POFUT3: variants seen among roughly 807,000 people sequenced by gnomAD.
POFUT3 encodes GDP-fucose protein O-fucosyltransferase 3.
chr8:33,345,758 G>A, the POFUT3 span, among the ~76,000 whole-genome samples: 13 of 152,014 alleles, frequency 8.6e-5, no homozygotes, highest in Admixed American at 5.2e-4. Flanking sequence ...CATGATGGCA[G>A]GAGGAACAAT....
At chr8:33,332,569 A>C in the POFUT3 span, among the ~76,000 whole-genome samples, 1 of 152,090 alleles carries the variant, frequency 6.6e-6, no homozygotes, top group Admixed American at 6.6e-5. Flanking sequence ...AAATGTAAGA[A>C]ATTTCACAGC....
chr8:33,423,534 T>C, the POFUT3 span, among the ~76,000 whole-genome samples: 1 of 152,126 alleles, frequency 6.6e-6, no homozygotes, highest in Non-Finnish European at 1.5e-5. Flanking sequence ...TCTCCCAAAG[T>C]GCTGGGATTA....
the POFUT3 span, among the ~76,000 whole-genome samples, chr8:33,443,982 T>TA: frequency 6.6e-6 from 1 of 151,602 alleles, no homozygotes; most frequent in Non-Finnish European, 1.5e-5. Flanking sequence ...TTTTTTTTTT[T>TA]TTAAAGAAAA....
At chr8:33,432,175 C>T in the POFUT3 span, among the ~76,000 whole-genome samples, 9 of 151,922 alleles carry the variant, frequency 5.9e-5, no homozygotes, top group Non-Finnish European at 1.3e-4. Context: ...TTTGGGAGGC[C>T]GAGGTGGGCA....
At chr8:33,362,336 C>T in the POFUT3 span, among the ~76,000 whole-genome samples, 1 of 152,266 alleles carries the variant, frequency 6.6e-6, no homozygotes, top group South Asian at 2.1e-4. Flanking sequence ...TAAAGACCAC[C>T]AATGCTATGA....
chr8:33,431,522 T>C, the POFUT3 span, among the ~76,000 whole-genome samples: 17 of 107,822 alleles, frequency 1.6e-4, no homozygotes, highest in Admixed American at 7.5e-4. Context: ...GACTCCAGCC[T>C]GGGCAACAGA....
At chr8:33,381,605 C>T in the POFUT3 span, among the ~76,000 whole-genome samples, 8 of 152,112 alleles carry the variant, frequency 5.3e-5, no homozygotes, top group Admixed American at 4.6e-4. Flanking sequence ...TGATTTAGTA[C>T]CAAAGGATGT....
At chr8:33,413,582 C>T in the POFUT3 span, among the ~76,000 whole-genome samples, 1 of 152,122 alleles carries the variant, frequency 6.6e-6, no homozygotes. Context: ...GACAAAGACA[C>T]ACTCATATCT....
the POFUT3 span, among the ~76,000 whole-genome samples, chr8:33,465,202 A>G: frequency 4.6e-5 from 7 of 152,152 alleles, no homozygotes; most frequent in African/African-American, 1.4e-4. Context: ...CGTAACCCAG[A>G]TTATGTAGTA....
At chr8:33,347,401 T>C in the POFUT3 span, among the ~76,000 whole-genome samples, 1 of 152,348 alleles carries the variant, frequency 6.6e-6, no homozygotes, top group East Asian at 1.9e-4. Flanking sequence ...AAATTAATTA[T>C]CCAGACTTGG....
At chr8:33,368,212 G>A in the POFUT3 span, among the ~76,000 whole-genome samples, 455 of 152,218 alleles carry the variant, frequency 3.0e-3, 2 homozygotes, top group African/African-American at 0.01. Flanking sequence ...GTCATGACTG[G>A]TCATATCCTC....
At chr8:33,453,457 C>A in the POFUT3 span, 4 of 1,613,672 alleles carry the variant, frequency 2.5e-6, no homozygotes, top group Non-Finnish European at 3.4e-6. Flanking sequence ...GTCCATCTTG[C>A]AAACTGGAAC....
At chr8:33,451,904 G>A in the POFUT3 span, 1 of 152,056 alleles carries the variant, frequency 6.6e-6, no homozygotes, top group Non-Finnish European at 1.5e-5. Context: ...GATCTCATTA[G>A]ACTCACTCAC....
the POFUT3 span, chr8:33,338,971 A>G: frequency 6.6e-6 from 1 of 152,208 alleles, no homozygotes; most frequent in Non-Finnish European, 1.5e-5. Context: ...AAAGATCAGG[A>G]TCTCAAAACA....
chr8:33,407,337 G>A, the POFUT3 span, among the ~76,000 whole-genome samples: 1 of 152,244 alleles, frequency 6.6e-6, no homozygotes, highest in East Asian at 1.9e-4. Context: ...GGCTGGATTT[G>A]AAAAATTAAA....
At chr8:33,348,169 TCAAA>T in the POFUT3 span, among the ~76,000 whole-genome samples, 1 of 84,850 alleles carries the variant, frequency 1.2e-5, no homozygotes, top group Non-Finnish European at 2.1e-5. Context: ...AGACTCTGCC[TCAAA>T]AAAAAAAAAA....
chr8:33,336,151 T>A, the POFUT3 span, among the ~76,000 whole-genome samples: 5 of 152,248 alleles, frequency 3.3e-5, no homozygotes, highest in African/African-American at 1.2e-4. Context: ...CGTTTCTCTA[T>A]CATTTTTTAA....
At chr8:33,439,139 C>G in the POFUT3 span, among the ~76,000 whole-genome samples, 267 of 152,336 alleles carry the variant, frequency 1.8e-3, 1 homozygote, top group African/African-American at 6.3e-3. Flanking sequence ...GGAGTGGTGG[C>G]TCACGCCTGT....
At chr8:33,444,373 G>A in the POFUT3 span, among the ~76,000 whole-genome samples, 2 of 152,082 alleles carry the variant, frequency 1.3e-5, no homozygotes, top group South Asian at 2.1e-4. Flanking sequence ...AGCATGGGGA[G>A]GAGGAACAAG....
Sources: allele counts gnomAD v4.1 joint callset (sites outside exome capture counted in the v4.1 genomes callset), GRCh38; gene constraint gnomAD v4.1.1; transcripts MANE v1.5; gene names NCBI Gene and HGNC (gene_info 2026-07-23, HGNC 2026-07-21).